SAMMSON: variants seen among roughly 807,000 people sequenced by gnomAD.
SAMMSON encodes the protein survival associated mitochondrial melanoma specific oncogenic non-coding RNA, also known as long intergenic non-protein coding RNA 1212.
intron 6 of SAMMSON, among the ~76,000 whole-genome samples, chr3:70,288,045 T>C (rs887132010): frequency 2.1e-4 from 32 of 151,240 alleles, no homozygotes; most frequent in Non-Finnish European, 3.8e-4. Flanking sequence ...GGGTTTTTTG[T>C]GTCTCTATTT....
intron 3 of SAMMSON, among the ~76,000 whole-genome samples, chr3:70,018,575 A>G (rs556894825): frequency 2.5e-4 from 38 of 152,008 alleles, no homozygotes; most frequent in Middle Eastern, 3.4e-3. Flanking sequence ...TTGTGTCTCT[A>G]TTCCCTTCAG....
In SAMMSON at chr3:70,115,223, A is replaced by AAG. The variant is rs967846613; in HGVS notation, n.507+43659_507+43660insGA. Among the ~76,000 whole-genome samples the AAG allele has an allele frequency of 3.3e-5, 5 of 151,086 alleles. No homozygotes were observed. The South Asian group carries it at 6.2e-4, about 19-fold the overall frequency. ...ATCTCTATTTTCCAAAAAAAAAAAA[A>AAG]AAAGAAAGAAAGAAAAAAAGCAGAA... On this transcript the variant is annotated intron_variant and non_coding_transcript_variant, in intron 4 of 9. Coordinates refer to ENST00000642114, the Ensembl canonical transcript of SAMMSON.
intron 2 of SAMMSON, among the ~76,000 whole-genome samples, chr3:70,417,307 T>G (rs1350798923): frequency 6.6e-6 from 1 of 152,194 alleles, no homozygotes; most frequent in East Asian, 1.9e-4. Flanking sequence ...ATTCATTAAC[T>G]TAAAGAGCCA....
chr3:70,180,033 CACGT>C (rs1298315088), intron 4 of SAMMSON, among the ~76,000 whole-genome samples: 1 of 146,706 alleles, frequency 6.8e-6, no homozygotes, highest in Non-Finnish European at 1.5e-5. Flanking sequence ...TGTGTGCGCG[CACGT>C]GTGTGTGAAG....
At chr3:70,325,720 G>A (rs1522334) in intron 7 of SAMMSON, among the ~76,000 whole-genome samples, 125,986 of 152,044 alleles carry the variant, frequency 0.83, 52,324 homozygotes, top group East Asian at 0.94. Context: ...ATCAACCTTT[G>A]CCCTTTATAA....
intron 4 of SAMMSON, among the ~76,000 whole-genome samples, chr3:70,107,942 A>C (rs1351282772): frequency 6.6e-6 from 1 of 152,152 alleles, no homozygotes; most frequent in Non-Finnish European, 1.5e-5. Context: ...AGTTTCATTC[A>C]ATCACAGTTT....
intron 7 of SAMMSON, among the ~76,000 whole-genome samples, chr3:70,343,235 T>G (rs187972836): frequency 6.6e-6 from 1 of 152,300 alleles, no homozygotes; most frequent in African/African-American, 2.4e-5. Context: ...TGGTATATTT[T>G]TATTAAATAA....
At chr3:70,237,317 A>G in intron 4 of SAMMSON, among the ~76,000 whole-genome samples, 1 of 152,324 alleles carries the variant, frequency 6.6e-6, no homozygotes. Context: ...TCTATTAATG[A>G]ATGCTTAAAC....
chr3:70,133,498 A>G (rs2067492453), intron 4 of SAMMSON, among the ~76,000 whole-genome samples: 1 of 152,154 alleles, frequency 6.6e-6, no homozygotes, highest in African/African-American at 2.4e-5. Context: ...CTGGAATTCA[A>G]TGAGCTATTC....
At chr3:70,022,445 A>AAAAAAAAAAAAAAAAAAAAAAAAAG (rs2067019520) in intron 3 of SAMMSON, among the ~76,000 whole-genome samples, 1 of 150,734 alleles carries the variant, frequency 6.6e-6, no homozygotes, top group Non-Finnish European at 1.5e-5. Context: ...AAAAAAAAAA[A>AAAAAAAAAAAAAAAAAAAAAAAAAG]AAAAAGAAAT....
intron 4 of SAMMSON, among the ~76,000 whole-genome samples, chr3:70,164,521 A>G (rs1002456781): frequency 6.6e-6 from 1 of 152,022 alleles, no homozygotes; most frequent in Non-Finnish European, 1.5e-5. Context: ...TTCTGGTTAG[A>G]TCATTTGAAG....
intron 4 of SAMMSON, among the ~76,000 whole-genome samples, chr3:70,096,629 A>G (rs540581854): frequency 2.6e-5 from 4 of 152,308 alleles, no homozygotes; most frequent in South Asian, 4.1e-4. Context: ...GTTCACAAGT[A>G]GGTTACAGGT....
At chr3:70,105,447 TA>T (rs1379862296) in intron 4 of SAMMSON, among the ~76,000 whole-genome samples, 2 of 152,164 alleles carry the variant, frequency 1.3e-5, no homozygotes, top group Non-Finnish European at 2.9e-5. Context: ...ATTTGAGGGC[TA>T]GGGGCCCCTC....
At chr3:70,300,911 T>TA (rs775284707) in intron 7 of SAMMSON, among the ~76,000 whole-genome samples, 1 of 151,864 alleles carries the variant, frequency 6.6e-6, no homozygotes, top group African/African-American at 2.4e-5. Flanking sequence ...TTGCTGTTTT[T>TA]AAAAAAAAGT....
intron 6 of SAMMSON, among the ~76,000 whole-genome samples, chr3:70,289,483 GC>G (rs1702207203): frequency 6.7e-6 from 1 of 149,476 alleles, no homozygotes. Flanking sequence ...CTCTCTGGCT[GC>G]CCTTAACATT....
chr3:70,243,138 T>A (rs141365597), intron 4 of SAMMSON, among the ~76,000 whole-genome samples: 184 of 152,298 alleles, frequency 1.2e-3, no homozygotes, highest in African/African-American at 4.2e-3. Context: ...CTATATTGTT[T>A]CCTGTGCCTT....
intron 3 of SAMMSON, among the ~76,000 whole-genome samples, chr3:70,065,520 G>GT (rs1164560829): frequency 6.6e-6 from 1 of 151,280 alleles, no homozygotes; most frequent in African/African-American, 2.4e-5. Flanking sequence ...TTTGTGTTTT[G>GT]TTTTTTTTAG....
intron 4 of SAMMSON, among the ~76,000 whole-genome samples, chr3:70,212,003 A>G (rs1701356265): frequency 6.6e-6 from 1 of 150,714 alleles, no homozygotes; most frequent in African/African-American, 2.4e-5. Context: ...CCTTCCATGT[A>G]TTTTTTCCTT....
intron 7 of SAMMSON, among the ~76,000 whole-genome samples, chr3:70,336,229 A>G (rs1042048688): frequency 2.6e-5 from 4 of 152,022 alleles, no homozygotes; most frequent in African/African-American, 9.7e-5. Context: ...TTGACTCTCT[A>G]AGAACTACAT....
Sources: gnomAD v4.1 joint callset for allele counts (sites outside exome capture counted in the v4.1 genomes callset) on GRCh38, gnomAD v4.1.1 for gene constraint, MANE v1.5 for transcripts, NCBI Gene and HGNC (gene_info 2026-07-23, HGNC 2026-07-21) for gene names.